Variants in SYTL2 observed in about 807,000 individuals in gnomAD.
SYTL2 encodes the protein synaptotagmin-like protein 2.
Under a neutral mutation model 198.7 loss-of-function variants are expected in SYTL2, and 165 were observed. That is an observed-to-expected ratio of 0.83 (90% CI 0.73 to 0.94). The LOEUF (loss-of-function observed/expected upper bound fraction) is 0.94. SYTL2 is among the 40% of genes least tolerant of loss of function. The pLI, the probability that SYTL2 is intolerant of heterozygous loss-of-function variation, is 0.00. For missense variants in SYTL2, 2,835 were observed against 2,582.8 expected, an observed-to-expected ratio of 1.10 and a Z score of -2.12; for synonymous variants, 966 against 917.7, an observed-to-expected ratio of 1.05 and a Z score of -0.95.
chr11:85,823,750 C>T, the SYTL2 span, among the ~76,000 whole-genome samples: 3 of 152,206 alleles, frequency 2.0e-5, no homozygotes, highest in South Asian at 6.2e-4. Flanking sequence ...GAGTGGAATA[C>T]CAAAAAGAAA....
chr11:85,812,051 G>A (rs2093041082), upstream of SYTL2, among the ~76,000 whole-genome samples: 2 of 152,138 alleles, frequency 1.3e-5, no homozygotes. Context: ...AGGCTGCCGT[G>A]AGCCAAGATC....
chr11:85,696,777 A>C (rs1028397239), intron 18 of SYTL2, among the ~76,000 whole-genome samples: 1 of 152,226 alleles, frequency 6.6e-6, no homozygotes, highest in Non-Finnish European at 1.5e-5. Context: ...TAAGTGCTTA[A>C]TATGCTAGTA....
intron 7 of SYTL2, 37 bp from the exon 8 acceptor site, chr11:85,728,004 G>A (rs368237010): frequency 1.3e-6 from 2 of 1,505,350 alleles, no homozygotes; most frequent in Non-Finnish European, 1.8e-6. Flanking sequence ...TAAGAAAAGA[G>A]CATGCTTAAA....
At chr11:85,718,756 A>G in intron 10 of SYTL2, 34 bp downstream of exon 10, 1 of 1,605,610 alleles carries the variant, frequency 6.2e-7, no homozygotes, top group Non-Finnish European at 8.5e-7. Flanking sequence ...AAGTTAATAC[A>G]AAGACAGACA....
chr11:85,734,128 A>G lies in SYTL2; in HGVS notation c.1201T>C (p.Tyr401His). Residue 401 changes from tyrosine (Y) to histidine (H), a missense_variant, in exon 7 of 20, where the codon TAT (tyrosine) becomes CAT (histidine). By Grantham distance (83) the Tyr-to-His change is moderately conservative (BLOSUM62 2). Coordinates refer to ENST00000359152, the MANE Select transcript of SYTL2 (RefSeq NM_206927.4). ...SLFHQSTSSPYVSKSETHQPM... is the reference protein window; with the variant it reads ...SLFHQSTSSPHVSKSETHQPM... ...TGATGTGTTTCACTTTTTGATACAT[A>G]TGGGCTTGAGGTTGATTGATGAAAA... is the stretch of plus-strand genomic sequence containing the variant. 1 of 1,614,178 alleles carries G rather than the reference A, an allele frequency of 6.2e-7. No homozygotes were observed. Among genetic ancestry groups the G allele is most frequent in the African/African-American group, 1.3e-5 (1 of 75,042 alleles).
At chr11:85,732,708 G>A (rs141599733) in intron 7 of SYTL2, among the ~76,000 whole-genome samples, 1 of 151,990 alleles carries the variant, frequency 6.6e-6, no homozygotes, top group Non-Finnish European at 1.5e-5. Flanking sequence ...AAACCTGCAC[G>A]TTCTTCACAT....
chr11:85,780,860 T>C (rs1337590605), intron 1 of SYTL2, among the ~76,000 whole-genome samples: 1 of 152,242 alleles, frequency 6.6e-6, no homozygotes, highest in African/African-American at 2.4e-5. Context: ...TTAGGGACAG[T>C]CTTGTGGGAC....
intron 2 of SYTL2, among the ~76,000 whole-genome samples, chr11:85,752,916 T>TTAAA (rs1565984094): frequency 5.9e-5 from 2 of 33,870 alleles, no homozygotes; most frequent in African/African-American, 2.5e-4. Context: ...ACTGCCTTCA[T>TTAAA]TAAAAAAAAA....
At chr11:85,833,832 G>A in the SYTL2 span, among the ~76,000 whole-genome samples, 1 of 149,878 alleles carries the variant, frequency 6.7e-6, no homozygotes, top group African/African-American at 2.5e-5. Flanking sequence ...TCCGCCTCTC[G>A]GGTTCAAGCT....
At chr11:85,765,152 T>C (rs1353021011) in intron 1 of SYTL2, among the ~76,000 whole-genome samples, 1 of 152,166 alleles carries the variant, frequency 6.6e-6, no homozygotes, top group Non-Finnish European at 1.5e-5. Flanking sequence ...AATAGTTGAA[T>C]GAACAAATAA....
intron 15 of SYTL2, among the ~76,000 whole-genome samples, chr11:85,706,533 TA>T (rs1357229768): frequency 2.6e-5 from 4 of 152,142 alleles, no homozygotes; most frequent in African/African-American, 9.7e-5. Context: ...AGGAGGCAGT[TA>T]GGGAAATAAT....
chr11:85,852,971 C>T, the SYTL2 span: 1 of 318,072 alleles, frequency 3.1e-6, no homozygotes, highest in Non-Finnish European at 6.1e-6. Flanking sequence ...GTGAGGAGCC[C>T]CTCCGCCCAG....
chr11:85,817,154 ATC>A, the SYTL2 span, among the ~76,000 whole-genome samples: 1 of 152,194 alleles, frequency 6.6e-6, no homozygotes, highest in South Asian at 2.1e-4. Context: ...ACAAAGTGAG[ATC>A]CTGGTAGATT....
intron 4 of SYTL2, among the ~76,000 whole-genome samples, chr11:85,743,418 C>T (rs904024856): frequency 6.6e-6 from 1 of 152,202 alleles, no homozygotes; most frequent in African/African-American, 2.4e-5. Context: ...CGCCTAACAT[C>T]TTTATTCTTG....
chr11:85,711,254 G>A, intron 12 of SYTL2, 22 bp from the exon 13 acceptor site: 1 of 1,604,808 alleles, frequency 6.2e-7, no homozygotes, highest in Non-Finnish European at 8.5e-7. Flanking sequence ...CATATAATAT[G>A]CACAATATTT....
chr11:85,850,739 C>T, the SYTL2 span, among the ~76,000 whole-genome samples: 6 of 150,630 alleles, frequency 4.0e-5, no homozygotes, highest in Admixed American at 6.6e-5. Flanking sequence ...ATGTTTATTG[C>T]GGCATTATTC....
the SYTL2 span, among the ~76,000 whole-genome samples, chr11:85,843,738 T>G: frequency 1.3e-5 from 2 of 152,218 alleles, no homozygotes; most frequent in Non-Finnish European, 2.9e-5. Flanking sequence ...AAGGAAGAAT[T>G]AACATTTATT....
intron 19 of SYTL2, among the ~76,000 whole-genome samples, 160 bp from the exon 20 acceptor site, chr11:85,695,500 T>C (rs1670899070): frequency 1.3e-5 from 2 of 152,224 alleles, no homozygotes; most frequent in South Asian, 4.1e-4. Flanking sequence ...AACTGTTCAA[T>C]TGTCTGAGTG....
At chr11:85,844,374 C>A in the SYTL2 span, among the ~76,000 whole-genome samples, 1 of 151,618 alleles carries the variant, frequency 6.6e-6, no homozygotes, top group Non-Finnish European at 1.5e-5. Context: ...GAGCACAGTA[C>A]CTTGGGTTTG....
Sources: gnomAD v4.1 joint callset for allele counts (sites outside exome capture counted in the v4.1 genomes callset) on GRCh38, gnomAD v4.1.1 for gene constraint, MANE v1.5 for transcripts, NCBI Gene and HGNC (gene_info 2026-07-23, HGNC 2026-07-21) for gene names.